The following FAM117A variants were observed in gnomAD, a reference collection of about 807,000 sequenced individuals.
FAM117A encodes protein FAM117A.
FAM117A carries 21 observed loss-of-function variants against 44.1 expected under a neutral mutation model. That is an observed-to-expected ratio of 0.48 (90% CI 0.34 to 0.69). FAM117A has a LOEUF of 0.69. FAM117A is among the 30% of genes least tolerant of loss of function. FAM117A has a pLI of 0.01. For synonymous variants in FAM117A, 220 were observed against 238.3 expected (o/e 0.92, Z 0.71); for missense variants, 498 against 589.9 (o/e 0.84, Z 1.61).
At chr17:49,770,781 G>A (rs935344671) in intron 1 of FAM117A, among the ~76,000 whole-genome samples, 1 of 152,118 alleles carries the variant, frequency 6.6e-6, no homozygotes, top group Non-Finnish European at 1.5e-5. Flanking sequence ...GTGCACGCCT[G>A]TAGTCCCAAC....
At chr17:49,717,818 A>G (rs2073512453) in intron 5 of FAM117A, 104 bp from the exon 6 acceptor site, 1 of 929,026 alleles carries the variant, frequency 1.1e-6, no homozygotes, top group Non-Finnish European at 1.6e-6. Context: ...TTCTCTATCC[A>G]TGACACACAA....
At chr17:49,741,425 A>T (rs1337481746) in intron 1 of FAM117A, among the ~76,000 whole-genome samples, 1 of 152,174 alleles carries the variant, frequency 6.6e-6, no homozygotes, top group East Asian at 1.9e-4. Flanking sequence ...AGAGATCACC[A>T]CTTTGCTCAC....
chr17:49,717,505 C>A lies in FAM117A; in HGVS notation c.910+8G>T, dbSNP rs369142556. ...GTCAGCCCTGCTGCCTCAGCCTTCG[C>A]GGCTTACCTTTGTCGTTGGGGGTGG... is the stretch of plus-strand genomic sequence containing the variant. On this transcript the variant is annotated splice_region_variant and intron_variant, in intron 6 of 7. Transcript: ENST00000240364. 3 of 1,613,186 alleles carry A rather than the reference C, an allele frequency of 1.9e-6. No homozygotes were observed. The highest frequency in any genetic ancestry group is 8.5e-7 in the Non-Finnish European group (1 of 1,179,738).
intron 7 of FAM117A, among the ~76,000 whole-genome samples, chr17:49,712,829 C>T (rs1304452388): frequency 2.0e-5 from 3 of 152,304 alleles, no homozygotes; most frequent in East Asian, 1.9e-4. Context: ...GGTTCTAACT[C>T]ACCATGTGGT....
chr17:49,787,721 G>A (rs941869638), intron 1 of FAM117A, among the ~76,000 whole-genome samples: 1 of 152,182 alleles, frequency 6.6e-6, no homozygotes, highest in Non-Finnish European at 1.5e-5. Flanking sequence ...CCACTTTCCA[G>A]CCTTTTCTTA....
chr17:49,756,276 A>G (rs916222352), intron 1 of FAM117A, among the ~76,000 whole-genome samples: 7 of 152,126 alleles, frequency 4.6e-5, no homozygotes, highest in African/African-American at 1.7e-4. Flanking sequence ...GCTTGAATTT[A>G]TATTTTATTC....
intron 1 of FAM117A, among the ~76,000 whole-genome samples, chr17:49,775,731 A>G (rs1255232617): frequency 1.3e-5 from 2 of 152,138 alleles, no homozygotes; most frequent in African/African-American, 4.8e-5. Context: ...CTGGTAGTCT[A>G]CAAAGTAGCC....
intron 3 of FAM117A, 126 bp downstream of exon 3, chr17:49,722,373 G>T: frequency 1.3e-6 from 1 of 772,842 alleles, no homozygotes. Flanking sequence ...ATCTCATCAG[G>T]AAAAGGCCAG....
chr17:49,757,143 A>G (rs2073702166), intron 1 of FAM117A, among the ~76,000 whole-genome samples: 1 of 151,836 alleles, frequency 6.6e-6, no homozygotes, highest in African/African-American at 2.4e-5. Flanking sequence ...TGGGAGCTCA[A>G]ACTGCTAATG....
intron 1 of FAM117A, among the ~76,000 whole-genome samples, chr17:49,748,142 T>A (rs1470739683): frequency 3.3e-5 from 5 of 152,228 alleles, no homozygotes; most frequent in Non-Finnish European, 7.3e-5. Context: ...GGGCTTTAGA[T>A]CTGTTCTGAA....
At chr17:49,777,522 A>T (rs1178900367) in intron 1 of FAM117A, among the ~76,000 whole-genome samples, 1 of 152,000 alleles carries the variant, frequency 6.6e-6, no homozygotes, top group African/African-American at 2.4e-5. Flanking sequence ...TAAGCTCCAC[A>T]CTGCTGGGAG....
At chr17:49,720,532 G>T in intron 3 of FAM117A, 96 bp from the exon 4 acceptor site, 1 of 860,356 alleles carries the variant, frequency 1.2e-6, no homozygotes, top group Non-Finnish European at 1.9e-6. Flanking sequence ...AGAGGCCCAT[G>T]AAGATATATA....
upstream of FAM117A, chr17:49,764,260 C>T (rs1467213413): frequency 2.6e-6 from 1 of 382,248 alleles, no homozygotes; most frequent in East Asian, 3.9e-5. Context: ...GCTTAGCCTT[C>T]CCTTTCCTGA....
upstream of FAM117A, among the ~76,000 whole-genome samples, chr17:49,766,640 C>T (rs1305762157): frequency 6.6e-6 from 1 of 152,178 alleles, no homozygotes; most frequent in Non-Finnish European, 1.5e-5. Context: ...GTTAGGACCC[C>T]TCAACATGTA....
chr17:49,739,049 G>A (rs1305057219), intron 1 of FAM117A, among the ~76,000 whole-genome samples: 1 of 152,154 alleles, frequency 6.6e-6, no homozygotes. Context: ...TCTAGTAGGA[G>A]CTAAGAGGTG....
In FAM117A at chr17:49,716,690, C is replaced by T. The variant is rs138053244; in HGVS notation, c.911-375G>A. Among the ~76,000 whole-genome samples the T allele has an allele frequency of 1.2e-4, 19 of 152,316 alleles. No homozygotes were observed. In the East Asian group the frequency reaches 2.9e-3, roughly 23 times the overall value. On this transcript the variant is annotated intron_variant, in intron 6 of 7. Coordinates refer to ENST00000240364, the MANE Select transcript of FAM117A (RefSeq NM_030802.4). ...CCCTGCCAACATACCACAGCTTCTT[C>T]CTGTCCACAGTCTTGAAAATCTATC... is the stretch of plus-strand genomic sequence containing the variant.
At chr17:49,787,559 C>T (rs1439341935) in intron 1 of FAM117A, among the ~76,000 whole-genome samples, 1 of 152,208 alleles carries the variant, frequency 6.6e-6, no homozygotes, top group Non-Finnish European at 1.5e-5. Flanking sequence ...TGGGGGAAAT[C>T]TCCATCTTAA....
chr17:49,786,791 AAAAAG>A (rs368407729), intron 1 of FAM117A, among the ~76,000 whole-genome samples: 1,660 of 151,330 alleles, frequency 0.011, 43 homozygotes, highest in African/African-American at 0.039. Flanking sequence ...AAAAAAAAAA[AAAAAG>A]AAAGGCTGGT....
At chr17:49,761,015 T>A (rs531456336) in intron 1 of FAM117A, among the ~76,000 whole-genome samples, 26 of 152,314 alleles carry the variant, frequency 1.7e-4, no homozygotes, top group African/African-American at 5.1e-4. Context: ...TACCTTATGA[T>A]GAATGGTTGC....
Sources: allele counts gnomAD v4.1 joint callset (sites outside exome capture counted in the v4.1 genomes callset), GRCh38; gene constraint gnomAD v4.1.1; transcripts MANE v1.5; gene names NCBI Gene and HGNC (gene_info 2026-07-23, HGNC 2026-07-21).